The following TRIOBP variants were observed in gnomAD, a reference collection of about 807,000 sequenced individuals.
TRIOBP encodes the protein TRIO and F-actin binding protein.
In TRIOBP, 169 loss-of-function variants were observed where a neutral mutation model predicts 238.8. The ratio of observed to expected loss-of-function variants is 0.71; its 90% confidence interval spans 0.62 to 0.80. The LOEUF is 0.80. Among genes scored for constraint, TRIOBP ranks in the 30% least tolerant of loss-of-function variants. The pLI is 0.00. For missense variants in TRIOBP, 2,838 were observed against 3,122.6 expected (o/e 0.91, Z 2.17); for synonymous variants, 1,150 against 1,274.4 (o/e 0.90, Z 2.08).
intron 11 of TRIOBP, chr22:37,746,497 CT>C: frequency 8.0e-7 from 1 of 1,246,292 alleles, no homozygotes; most frequent in Non-Finnish European, 1.0e-6. Context: ...AGCCTCTCCC[CT>C]CCGGGGCAGC....
chr22:37,715,798 C>T lies in TRIOBP; in HGVS notation c.492C>T (p.Ala164=), dbSNP rs1239083801. The T allele has an allele frequency of 6.2e-6, 10 of 1,614,052 alleles. No individual in the cohort carries two copies. Among genetic ancestry groups the T allele is most frequent in the Non-Finnish European group, 7.6e-6 (9 of 1,180,002 alleles). ...CTGTTGAGAGGCAGGAGGAGGAGGC[C>T]CCCAGCTGGGACGAGCTCGCAGTGA... is the stretch of plus-strand genomic sequence containing the variant. ...WDTVERQEEE[A]PSWDELAVMI... Residue 164 remains alanine, a synonymous_variant, in exon 6 of 24, where the codon GCC becomes GCT. Coordinates refer to ENST00000644935, the MANE Select transcript of TRIOBP (RefSeq NM_001039141.3).
intron 21 of TRIOBP, among the ~76,000 whole-genome samples, chr22:37,770,179 C>T (rs1355660732): frequency 1.3e-5 from 2 of 149,852 alleles, no homozygotes; most frequent in African/African-American, 2.5e-5. Context: ...TGGCTCACGC[C>T]TGTAATCCCA....
At chr22:37,717,386 G>C (rs1275584270) in intron 6 of TRIOBP, among the ~76,000 whole-genome samples, 1 of 152,218 alleles carries the variant, frequency 6.6e-6, no homozygotes, top group African/African-American at 2.4e-5. Context: ...GGTTGCCAGA[G>C]CTGGCTGGGG....
At chr22:37,735,976 A>C (rs1569047213) in intron 9 of TRIOBP, among the ~76,000 whole-genome samples, 1 of 152,234 alleles carries the variant, frequency 6.6e-6, no homozygotes, top group Non-Finnish European at 1.5e-5. Context: ...TGAGTCCAGG[A>C]CAGCCTCGCT....
At chr22:37,733,175 T>C in intron 7 of TRIOBP, 123 bp from the exon 8 acceptor site, 4 of 766,806 alleles carry the variant, frequency 5.2e-6, no homozygotes, top group Non-Finnish European at 9.2e-6. Flanking sequence ...CTTAGGGCCC[T>C]TCAACGAGCT....
At chr22:37,746,354 C>A in intron 11 of TRIOBP, 1 of 1,208,676 alleles carries the variant, frequency 8.3e-7, no homozygotes. Context: ...CGCCGCGGAG[C>A]CCGGCCCGAG....
In TRIOBP at chr22:37,700,658, C is replaced by T. The variant is rs547775060; in HGVS notation, c.-60-648C>T. ...CTTGAACTCTTGGGCTCAAATGATC[C>T]GCCGCCCGCAATGGGCCCAGCTGGA... On this transcript the variant is annotated intron_variant, in intron 2 of 23. Coordinates refer to ENST00000644935, the MANE Select transcript of TRIOBP (RefSeq NM_001039141.3). Among the ~76,000 whole-genome samples, 18 of 152,034 alleles carry T rather than the reference C, an allele frequency of 1.2e-4. No individual in the cohort carries two copies. In the East Asian group the frequency reaches 2.7e-3, roughly 23 times the overall value.
intron 14 of TRIOBP, 131 bp from the exon 15 acceptor site, chr22:37,755,419 C>A: frequency 1.0e-6 from 1 of 958,086 alleles, no homozygotes; most frequent in Non-Finnish European, 1.6e-6. Context: ...GGTTTTGTAC[C>A]CCCTGCCCAC....
chr22:37,759,942 AT>A (rs1409896094), intron 17 of TRIOBP: 1 of 246,318 alleles, frequency 4.1e-6, no homozygotes, highest in African/African-American at 2.3e-5. Flanking sequence ...AAAATATATA[AT>A]TTTATTGTGA....
At chr22:37,768,806 TAAA>T (rs561787977) in intron 19 of TRIOBP, among the ~76,000 whole-genome samples, 4 of 132,674 alleles carry the variant, frequency 3.0e-5, no homozygotes, top group Non-Finnish European at 3.3e-5. Context: ...AGACTCCATC[TAAA>T]AAAAAAAAAA....
Position 37,723,629 on chromosome 22 carries a change from C to G in TRIOBP, c.1073C>G (p.Ser358Cys), listed in dbSNP as rs1401180449. The G allele has an allele frequency of 1.9e-6, 3 of 1,614,128 alleles. No homozygotes were observed. The highest frequency in any genetic ancestry group is 2.5e-6 in the Non-Finnish European group (3 of 1,180,018). The stretch of plus-strand genomic sequence containing the variant: ...CAACTGGATAACCCCAGAACCTCTT[C>G]TACCCAGCAGGACAACCCCCAAACT... Reference protein sequence around the residue: ...STQLDNPRTSSTQQDNPQTSF... With the variant: ...STQLDNPRTSCTQQDNPQTSF... Residue 358 changes from serine to cysteine, a missense_variant, in exon 7 of 24, where the codon TCT (serine) becomes TGT (cysteine). Physicochemically the swap from Ser to Cys is moderately radical, Grantham distance 112. Around this residue, in one of 5 missense-constraint regions of TRIOBP, gnomAD observed 535 missense variants for 537.3 expected, o/e 1.00. Transcript: ENST00000644935.
chr22:37,727,988 A>AT (rs1384690106), intron 7 of TRIOBP, among the ~76,000 whole-genome samples: 20 of 152,326 alleles, frequency 1.3e-4, no homozygotes, highest in African/African-American at 4.8e-4. Flanking sequence ...AATTCAACGA[A>AT]TTTTTAGTTT....
Position 37,757,843 on chromosome 22 carries a change from A to G in TRIOBP, c.5918A>G (p.Glu1973Gly), listed in dbSNP as rs1396778368. Reference protein sequence around the residue: ...ARTPDRLAKQEELERDLAQRS... With the variant: ...ARTPDRLAKQGELERDLAQRS... ...ACTCCTGACCGCCTGGCCAAGCAGG[A>G]GGAGCTGGAGCGGGACCTGGCCCAG... Residue 1973 changes from glutamate to glycine, a missense_variant, in exon 16 of 24, where the codon GAG becomes GGG. Glu to Gly is a moderately conservative substitution (Grantham distance 98). Transcript: ENST00000644935. 1 of 1,550,984 alleles carries G rather than the reference A, an allele frequency of 6.4e-7. No homozygotes were observed. Among genetic ancestry groups the G allele is most frequent in the Non-Finnish European group, 8.7e-7 (1 of 1,147,150 alleles).
In TRIOBP at chr22:37,710,491, C is replaced by G. The variant is rs572897486; in HGVS notation, c.179C>G (p.Pro60Arg). ...YCDLPRCPPA[P>R]EDPLSASTSG... ...GACCTGCCTCGATGTCCACCTGCCC[C>G]TGAGGACCCACTCAGCGCCTCAACC... Residue 60 changes from proline (P) to arginine (R), a missense_variant, in exon 4 of 24, where the codon CCT becomes CGT. Physicochemically the swap from Pro to Arg is moderately radical, Grantham distance 103. Around this residue, in one of 5 missense-constraint regions of TRIOBP, gnomAD observed 535 missense variants for 537.3 expected, o/e 1.00. Transcript: ENST00000644935. 6.2e-7 allele frequency: 1 copy of G among 1,613,060 alleles called. No homozygotes were observed. The highest frequency in any genetic ancestry group is 1.1e-5 in the South Asian group (1 of 91,020).
In TRIOBP at chr22:37,713,382, C is replaced by T; in HGVS notation, c.427C>T (p.Pro143Ser). 6.2e-7 allele frequency: 1 copy of T among 1,613,744 alleles called. No individual in the cohort carries two copies. The highest frequency in any genetic ancestry group is 8.5e-7 in the Non-Finnish European group (1 of 1,180,000). ...CACCTCCAGCCCTGACTCCGCCACC[C>T]CTGATGATACCAGCAACTCGTCCTC... ...DPTSSPDSATPDDTSNSSSVD... is the reference protein window; with the variant it reads ...DPTSSPDSATSDDTSNSSSVD... Residue 143 changes from proline to serine, a missense_variant, in exon 5 of 24, where the codon CCT becomes TCT. This residue lies in a region of TRIOBP where 535 missense variants were observed against 537.3 expected (regional missense o/e 1.00). Transcript: ENST00000644935.
chr22:37,761,771 A>C (rs1321431530), intron 17 of TRIOBP, among the ~76,000 whole-genome samples: 2 of 149,012 alleles, frequency 1.3e-5, no homozygotes. Context: ...ATAGAGGAGC[A>C]GGCAGGGGAA....
intron 11 of TRIOBP, among the ~76,000 whole-genome samples, chr22:37,742,979 C>T (rs1321971988): frequency 6.6e-6 from 1 of 152,184 alleles, no homozygotes; most frequent in Non-Finnish European, 1.5e-5. Flanking sequence ...AACTGAGATT[C>T]AGACCCTGCT....
In TRIOBP at chr22:37,734,610, G is replaced by C. The variant is rs1412647269; in HGVS notation, c.4274G>C (p.Gly1425Ala). Reference sequence around the variant, plus strand: ...CAAGCAGGCCCAAGACAGCCTCTGGGGGTGTGGCAGAGTCAGGAGGAACCG... The same window carrying C: ...CAAGCAGGCCCAAGACAGCCTCTGGCGGTGTGGCAGAGTCAGGAGGAACCG... ...SGQAGPRQPL[G>A]VWQSQEEPPG... is the part of the protein sequence containing the mutation. Residue 1425 changes from glycine (G) to alanine (A), a missense_variant, in exon 9 of 24, where the codon GGG becomes GCG. This residue lies in a region of TRIOBP where 2,096 missense variants were observed against 2,137.4 expected (regional missense o/e 0.98). Transcript: ENST00000644935. 6.3e-7 allele frequency: 1 copy of C among 1,582,690 alleles called. No homozygotes were observed. Among genetic ancestry groups the C allele is most frequent in the Non-Finnish European group, 8.6e-7 (1 of 1,164,720 alleles).
chr22:37,747,387 A>G (rs1320815663), intron 11 of TRIOBP, among the ~76,000 whole-genome samples: 1 of 145,384 alleles, frequency 6.9e-6, no homozygotes, highest in African/African-American at 2.5e-5. Flanking sequence ...GAGGATGAGC[A>G]GGGTGTGTGT....
Sources: gnomAD v4.1 joint callset for allele counts (sites outside exome capture counted in the v4.1 genomes callset) on GRCh38, gnomAD v4.1.1 for gene constraint, gnomAD v4.1.1 regional missense constraint, MANE v1.5 for transcripts, NCBI Gene and HGNC (gene_info 2026-07-23, HGNC 2026-07-21) for gene names.